Variants in CCDC102B observed in about 807,000 individuals in gnomAD.
CCDC102B encodes coiled-coil domain-containing protein 102B.
In CCDC102B, 75 loss-of-function variants were observed where a neutral mutation model predicts 57.4. The ratio of observed to expected loss-of-function variants is 1.31; its 90% CI spans 1.08 to 1.58. The LOEUF (loss-of-function observed/expected upper bound fraction) is 1.58. CCDC102B is among the 40% of genes most tolerant of loss of function. The probability of loss-of-function intolerance (pLI) is 0.00; values close to 1 mark genes in which losing one functional copy is unlikely to be tolerated. For missense variants in CCDC102B, 636 were observed against 582.6 expected (o/e 1.09, Z -0.94); for synonymous variants, 206 against 201.9 (o/e 1.02, Z -0.17).
intron 6 of CCDC102B, among the ~76,000 whole-genome samples, chr18:68,970,642 A>T (rs2050276952): frequency 6.6e-6 from 1 of 151,880 alleles, no homozygotes; most frequent in African/African-American, 2.4e-5. Flanking sequence ...AGAGAATTGG[A>T]TAACTTTATA....
At chr18:68,911,718 C>T (rs559398080) in intron 6 of CCDC102B, among the ~76,000 whole-genome samples, 2 of 109,364 alleles carry the variant, frequency 1.8e-5, no homozygotes, top group Admixed American at 1.1e-4. Flanking sequence ...CGCCACTGCA[C>T]TCCAGCCTGG....
intron 7 of CCDC102B, among the ~76,000 whole-genome samples, chr18:69,026,640 A>G (rs984092156): frequency 6.6e-6 from 1 of 152,092 alleles, no homozygotes; most frequent in Non-Finnish European, 1.5e-5. Flanking sequence ...GAAAAGCCCA[A>G]GAGAATAGAC....
chr18:68,815,743 C>A (rs2036449754), intron 1 of CCDC102B, among the ~76,000 whole-genome samples: 1 of 151,166 alleles, frequency 6.6e-6, no homozygotes, highest in Non-Finnish European at 1.5e-5. Context: ...GCACAAACTT[C>A]TTTTTTTCAT....
chr18:68,790,747 T>C (rs981597067), intron 2 of CCDC102B, among the ~76,000 whole-genome samples: 2 of 152,180 alleles, frequency 1.3e-5, no homozygotes, highest in African/African-American at 4.8e-5. Context: ...CCTAGTGAGA[T>C]GAACCTGGTA....
At position 69,031,839 on chromosome 18, in the gene CCDC102B, G is replaced by A. The variant is rs991679090; in HGVS notation, c.1434+20735G>A. On this transcript the variant is annotated intron_variant, in intron 7 of 7. Transcript: ENST00000360242. ...CCAGAGTACAAAGCCATGCAAAAGAGTTACCAAATCATTTTATAATAAGCA... is the reference window on the plus strand; with the variant it reads ...CCAGAGTACAAAGCCATGCAAAAGAATTACCAAATCATTTTATAATAAGCA... Among the ~76,000 whole-genome samples the A allele has an allele frequency of 1.3e-5, 2 of 152,122 alleles. 1 individual carries two copies. Among genetic ancestry groups the A allele is most frequent in the Admixed American group, 1.3e-4 (2 of 15,262 alleles).
At chr18:68,913,821 A>T (rs2040970492) in intron 6 of CCDC102B, among the ~76,000 whole-genome samples, 1 of 152,156 alleles carries the variant, frequency 6.6e-6, no homozygotes, top group South Asian at 2.1e-4. Flanking sequence ...CTGAAAACAC[A>T]TTCCTCCATT....
chr18:68,958,847 T>C (rs1279390646), intron 6 of CCDC102B, among the ~76,000 whole-genome samples: 2 of 152,200 alleles, frequency 1.3e-5, no homozygotes, highest in African/African-American at 4.8e-5. Flanking sequence ...TGCTTGATTC[T>C]TTTTAGTTAT....
intron 2 of CCDC102B, among the ~76,000 whole-genome samples, chr18:68,725,679 A>C (rs2032560634): frequency 6.6e-6 from 1 of 152,164 alleles, no homozygotes; most frequent in African/African-American, 2.4e-5. Context: ...TCTGCTTTTG[A>C]GGGCCTGTGT....
chr18:68,743,734 G>C (rs1315046814), intron 2 of CCDC102B, among the ~76,000 whole-genome samples: 1 of 152,180 alleles, frequency 6.6e-6, no homozygotes, highest in African/African-American at 2.4e-5. Context: ...TTAACACAAA[G>C]TTTGTGGTCT....
chr18:68,773,171 G>GA (rs200438201), intron 2 of CCDC102B, among the ~76,000 whole-genome samples: 48 of 148,058 alleles, frequency 3.2e-4, no homozygotes, highest in East Asian at 1.2e-3. Flanking sequence ...TTCAAAACTA[G>GA]AAAAAAAAAA....
At chr18:68,789,382 G>T (rs2035341595) in intron 2 of CCDC102B, among the ~76,000 whole-genome samples, 1 of 152,100 alleles carries the variant, frequency 6.6e-6, no homozygotes, top group African/African-American at 2.4e-5. Flanking sequence ...GGCCTGCTTT[G>T]CTAGATTGGG....
At chr18:68,919,979 CTTTTA>C (rs2041217469) in intron 6 of CCDC102B, among the ~76,000 whole-genome samples, 1 of 151,984 alleles carries the variant, frequency 6.6e-6, no homozygotes, top group African/African-American at 2.4e-5. Flanking sequence ...ATTTTTATTA[CTTTTA>C]TTTTAAGTTC....
intron 6 of CCDC102B, among the ~76,000 whole-genome samples, chr18:68,951,537 G>A (rs1022922464): frequency 1.3e-5 from 2 of 152,028 alleles, no homozygotes; most frequent in Admixed American, 6.6e-5. Flanking sequence ...GCTGGGCATG[G>A]TGCCTCATGC....
intron 7 of CCDC102B, among the ~76,000 whole-genome samples, chr18:69,040,077 G>T (rs1403685202): frequency 6.6e-6 from 1 of 151,606 alleles, no homozygotes; most frequent in Non-Finnish European, 1.5e-5. Flanking sequence ...GGCTTATAAG[G>T]TACCCTTATT....
At chr18:68,754,374 CTG>C (rs1480268723) in intron 2 of CCDC102B, 1 of 152,124 alleles carries the variant, frequency 6.6e-6, no homozygotes, top group Non-Finnish European at 1.5e-5. Context: ...ATGAAAGTAA[CTG>C]AACTGAGCAA....
chr18:68,909,021 C>T (rs555750628), intron 6 of CCDC102B, among the ~76,000 whole-genome samples: 1 of 150,646 alleles, frequency 6.6e-6, no homozygotes, highest in Non-Finnish European at 1.5e-5. Flanking sequence ...CTAGACTATC[C>T]ACAGTGATTA....
At chr18:68,792,897 T>C (rs1263587204) in intron 2 of CCDC102B, among the ~76,000 whole-genome samples, 1 of 152,232 alleles carries the variant, frequency 6.6e-6, no homozygotes, top group Non-Finnish European at 1.5e-5. Flanking sequence ...ATTCTGTTTA[T>C]AAAGAAAATT....
At chr18:69,023,802 C>T (rs1450339263) in intron 7 of CCDC102B, among the ~76,000 whole-genome samples, 1 of 151,838 alleles carries the variant, frequency 6.6e-6, no homozygotes, top group Non-Finnish European at 1.5e-5. Context: ...ATAAATTACT[C>T]TTATTTGGAA....
At chr18:69,034,589 G>A (rs542076077) in intron 7 of CCDC102B, among the ~76,000 whole-genome samples, 1 of 152,000 alleles carries the variant, frequency 6.6e-6, no homozygotes, top group Admixed American at 6.6e-5. Context: ...GCTTAAGCCA[G>A]TAAAACATTG....
Sources: allele counts gnomAD v4.1 joint callset (sites outside exome capture counted in the v4.1 genomes callset), GRCh38; gene constraint gnomAD v4.1.1; transcripts MANE v1.5; gene names NCBI Gene and HGNC (gene_info 2026-07-23, HGNC 2026-07-21).